SRSF5: variants seen among roughly 807,000 people sequenced by gnomAD.
SRSF5 encodes the protein serine and arginine rich splicing factor 5.
SRSF5 carries 5 observed loss-of-function variants against 34.0 expected under a neutral mutation model. The observed-to-expected ratio is 0.15, with a 90% CI of 0.08 to 0.31. SRSF5 has a LOEUF of 0.31. Among genes scored for constraint, SRSF5 ranks in the 10% least tolerant of loss-of-function variants. SRSF5 has a pLI of 1.00. For missense variants in SRSF5, 223 were observed against 351.4 expected (o/e 0.63, Z 2.92); for synonymous variants, 164 against 117.7 (o/e 1.39, Z -2.55).
intron 1 of SRSF5, chr14:69,767,931 T>G (rs1030460564): frequency 1.9e-6 from 1 of 525,370 alleles, no homozygotes; most frequent in Non-Finnish European, 3.4e-6. Flanking sequence ...GTTGCTGCGG[T>G]CTGGGCCCAG....
chr14:69,769,294 T>A, intron 5 of SRSF5, 43 bp downstream of exon 5: 3 of 1,608,748 alleles, frequency 1.9e-6, no homozygotes, highest in Non-Finnish European at 2.5e-6. Flanking sequence ...TGTGGCTTTT[T>A]AAAAAAGTTA....
intron 5 of SRSF5, chr14:69,770,181 G>C: frequency 9.0e-7 from 1 of 1,106,752 alleles, no homozygotes; most frequent in South Asian, 3.8e-5. Flanking sequence ...TTGTTTTTTT[G>C]TTTGTTTTTT....
chr14:69,768,785 TC>T lies in SRSF5; in HGVS notation c.198-10del. ...TTAAGTGTGTAACGGAGATTTTTCT[TC>T]CCTTTTTGTAGGGTTACTATTGAAC... On this transcript the variant is annotated splice_polypyrimidine_tract_variant and intron_variant, in intron 3 of 7. Coordinates refer to ENST00000557154, the MANE Select transcript of SRSF5 (RefSeq NM_001320214.2). 1 of 1,613,850 alleles carries T rather than the reference TC, an allele frequency of 6.2e-7. No homozygotes were observed. Among genetic ancestry groups the T allele is most frequent in the South Asian group, 1.1e-5 (1 of 91,078 alleles).
chr14:69,768,931 A>G lies in SRSF5; in HGVS notation c.296+35A>G, dbSNP rs993299508. ...GGGTGGATGGCTGCATTGAACAATT[A>G]TTGTAGGGGTAGCATTTAAGATTCA... is the stretch of plus-strand genomic sequence containing the variant. On this transcript the variant is annotated intron_variant, in intron 4 of 7. Coordinates refer to ENST00000557154, the MANE Select transcript of SRSF5 (RefSeq NM_001320214.2). 6 of 1,588,798 alleles carry G rather than the reference A, an allele frequency of 3.8e-6. No individual in the cohort carries two copies. In the African/African-American group the frequency reaches 6.7e-5, roughly 18 times the overall value.
intron 2 of SRSF5, 113 bp downstream of exon 2, chr14:69,768,395 C>T (rs1332724843): frequency 2.0e-6 from 3 of 1,466,666 alleles, no homozygotes; most frequent in African/African-American, 1.4e-5. Context: ...TGTTACCCAG[C>T]CTTATGTCTG....
intron 5 of SRSF5, chr14:69,770,162 C>T: frequency 1.8e-6 from 2 of 1,085,740 alleles, no homozygotes; most frequent in Non-Finnish European, 2.2e-6. Flanking sequence ...TGTACTGTTT[C>T]CTTTTTTGTT....
At chr14:69,770,753 T>G (rs1363046185) in intron 6 of SRSF5, 3 of 638,390 alleles carry the variant, frequency 4.7e-6, no homozygotes, top group African/African-American at 1.8e-5. Flanking sequence ...TGGCATGTAG[T>G]CAGTAGGGGC....
intron 5 of SRSF5, chr14:69,769,874 C>T (rs1882999956): frequency 8.3e-7 from 1 of 1,209,724 alleles, no homozygotes; most frequent in Non-Finnish European, 1.0e-6. Context: ...AACATGTCTG[C>T]ATCCGCCAAT....
At position 69,768,857 on chromosome 14, in the gene SRSF5, C is replaced by T; in HGVS notation, c.257C>T (p.Ser86Phe). Residue 86 changes from serine (S) to phenylalanine (F), a missense_variant, in exon 4 of 8, where the codon TCT becomes TTT. Transcript: ENST00000557154. ...SRGGRGRGRY[S>F]DRFSSRRPRN... ...GGTGGAAGAGGTAGAGGACGATACTCTGACCGTTTTAGTAGTCGCAGACCT... is the reference window on the plus strand; with the variant it reads ...GGTGGAAGAGGTAGAGGACGATACTTTGACCGTTTTAGTAGTCGCAGACCT... The T allele has an allele frequency of 1.9e-6, 3 of 1,614,214 alleles. No homozygotes were observed. Among genetic ancestry groups the T allele is most frequent in the Non-Finnish European group, 2.5e-6 (3 of 1,180,044 alleles).
rs189888022 is a variant in SRSF5, at chr14:69,768,572, C to G, written c.127-32C>G. The G allele has an allele frequency of 7.7e-5, 123 of 1,598,140 alleles. No individual in the cohort carries two copies. The African/African-American group carries it at 1.5e-3, about 20-fold the overall frequency. ...TGTGTTGTAGAATACTCTTCTAAAG[C>G]CAATGTTAAGAGTCTTATGCTTACA... On this transcript the variant is annotated intron_variant, in intron 2 of 7. Transcript: ENST00000557154.
Position 69,771,942 on chromosome 14 carries a change from A to G in SRSF5, c.*481A>G, listed in dbSNP as rs1745728113. ...GGTCAAGGGTGTCCTCCACTCTTTA[A>G]CAGCTGCTGGACAGACACATTAGAG... is the stretch of plus-strand genomic sequence containing the variant. On this transcript the variant is annotated 3_prime_UTR_variant, in exon 8 of 8. Coordinates refer to ENST00000557154, the MANE Select transcript of SRSF5 (RefSeq NM_001320214.2). 1 of 158,196 alleles carries G rather than the reference A, an allele frequency of 6.3e-6. No homozygotes were observed. Among genetic ancestry groups the G allele is most frequent in the Admixed American group, 6.2e-5 (1 of 16,186 alleles). The allele number at this position is 158,196 out of a possible 1,614,324, so 9.8% of individuals were successfully genotyped here.
In SRSF5 at chr14:69,768,692, C is replaced by G. The variant is rs376132569; in HGVS notation, c.197+18C>G. The G allele has an allele frequency of 2.5e-6, 4 of 1,613,422 alleles. No individual in the cohort carries two copies. The highest frequency in any genetic ancestry group is 2.7e-5 in the African/African-American group (2 of 74,904). ...AGTGAAAGGTGAGATTCCTGTGTAA[C>G]TAGATAACCCTGGGACATAGAGCAG... On this transcript the variant is annotated intron_variant, in intron 3 of 7. Transcript: ENST00000557154.
In SRSF5 at chr14:69,771,707, A is replaced by T. The variant is rs1297126599; in HGVS notation, c.*246A>T. ...ATTTTTGTGAATGTCTGAAGTATATAGTTTGTGTATATTGACAGAGCTCTT... is the reference window on the plus strand; with the variant it reads ...ATTTTTGTGAATGTCTGAAGTATATTGTTTGTGTATATTGACAGAGCTCTT... On this transcript the variant is annotated 3_prime_UTR_variant, in exon 8 of 8. Transcript: ENST00000557154. The T allele has an allele frequency of 8.4e-6, 4 of 474,638 alleles. No homozygotes were observed. The highest frequency in any genetic ancestry group is 2.0e-5 in the African/African-American group (1 of 50,950). 29.4% of individuals were successfully genotyped at this position (474,638 alleles called of 1,614,324 possible).
At position 69,771,418 on chromosome 14, in the gene SRSF5, C is replaced by T. The variant is rs1323380187; in HGVS notation, c.776C>T (p.Ser259Phe). ...CCAGCATCTGTGGATCGCCAGAGGT[C>T]CCGGTCCCGATCAAGGTCCAGATCA... ...KSPASVDRQRSRSRSRSRSVD... is the reference protein window; with the variant it reads ...KSPASVDRQRFRSRSRSRSVD... The change falls in exon 8 of 8, where the codon TCC becomes TTC. Residue 259 changes from serine to phenylalanine, a missense_variant. Around this residue, in one of 4 missense-constraint regions of SRSF5, gnomAD observed 115 missense variants for 119.7 expected, o/e 0.96. Coordinates refer to ENST00000557154, the MANE Select transcript of SRSF5 (RefSeq NM_001320214.2). 2 of 1,614,218 alleles carry T rather than the reference C, an allele frequency of 1.2e-6. No individual in the cohort carries two copies. Among genetic ancestry groups the T allele is most frequent in the Non-Finnish European group, 8.5e-7 (1 of 1,180,044 alleles).
chr14:69,770,499 A>C lies in SRSF5; in HGVS notation c.399A>C (p.Glu133Asp). The C allele has an allele frequency of 6.2e-7, 1 of 1,614,168 alleles. No homozygotes were observed. The highest frequency in any genetic ancestry group is 8.5e-7 in the Non-Finnish European group (1 of 1,180,038). The change falls in exon 6 of 8, where the codon GAA becomes GAC. Residue 133 changes from glutamate (E) to aspartate (D), a missense_variant. This residue lies in a region of SRSF5 where 37 missense variants were observed against 96.7 expected (regional missense o/e 0.38). Coordinates refer to ENST00000557154, the MANE Select transcript of SRSF5 (RefSeq NM_001320214.2). Reference protein sequence around the residue: ...DLKDFMRQAGEVTFADAHRPK... With the variant: ...DLKDFMRQAGDVTFADAHRPK... ...AAGATTTCATGAGACAAGCTGGGGA[A>C]GTAACGTTTGCGGATGCACACCGAC...
At chr14:69,768,395 C>A in intron 2 of SRSF5, 113 bp downstream of exon 2, 1 of 1,466,662 alleles carries the variant, frequency 6.8e-7, no homozygotes, top group Non-Finnish European at 9.3e-7. Context: ...TGTTACCCAG[C>A]CTTATGTCTG....
At chr14:69,767,388 C>T (rs781675147) in intron 1 of SRSF5, 133 bp downstream of exon 1, 1 of 455,920 alleles carries the variant, frequency 2.2e-6, no homozygotes, top group South Asian at 1.5e-5. Flanking sequence ...GAGGTGGGCG[C>T]TGGGGCACGT....
chr14:69,768,358 C>T lies in SRSF5; in HGVS notation c.126+76C>T, dbSNP rs925444544. On this transcript the variant is annotated intron_variant, in intron 2 of 7. Transcript: ENST00000557154. ...TAAGCAGTTGTTTTCGATCTTGAGT[C>T]CGGGTGGAATATTTGCCTTCAGAAA... 6 of 1,579,160 alleles carry T rather than the reference C, an allele frequency of 3.8e-6. No individual in the cohort carries two copies. The African/African-American group carries it at 6.8e-5, about 18-fold the overall frequency.
At chr14:69,769,672 G>A in intron 5 of SRSF5, 5 of 1,503,514 alleles carry the variant, frequency 3.3e-6, no homozygotes, top group Non-Finnish European at 4.4e-6. Flanking sequence ...CGTTATCGGT[G>A]CACTTCCTTG....
Sources: allele counts gnomAD v4.1 joint callset, GRCh38; gene constraint gnomAD v4.1.1; regional missense constraint gnomAD v4.1.1; transcripts MANE v1.5; gene names NCBI Gene and HGNC (gene_info 2026-07-23, HGNC 2026-07-21).